MID1: variants seen among roughly 807,000 people sequenced by gnomAD.
MID1 encodes E3 ubiquitin-protein ligase Midline-1.
In MID1, 7 loss-of-function variants were observed where a neutral mutation model predicts 40.4. The observed-to-expected ratio is 0.17, with a 90% CI of 0.10 to 0.33. MID1 has a LOEUF of 0.33. MID1 is among the 10% of genes least tolerant of loss of function. The pLI, the probability that MID1 is intolerant of heterozygous loss-of-function variation, is 1.00. For missense variants in MID1, 367 were observed against 558.5 expected, an observed-to-expected ratio of 0.66 and a Z score of 3.46; for synonymous variants, 229 against 221.2, an observed-to-expected ratio of 1.04 and a Z score of -0.31.
chrX:10,467,399 C>A (rs1929444606), intron 7 of MID1, among the ~76,000 whole-genome samples: 1 of 111,964 alleles, frequency 8.9e-6, no homozygotes, highest in Non-Finnish European at 1.9e-5. Context: ...AGGCCTTCTG[C>A]GACTTGCCCC....
chrX:10,558,613 C>T (rs1934216077), intron 2 of MID1, among the ~76,000 whole-genome samples: 1 of 112,943 alleles, frequency 8.9e-6, no homozygotes, highest in African/African-American at 3.2e-5. Flanking sequence ...AGTCTACATC[C>T]AATGTCCATA....
intron 1 of MID1, among the ~76,000 whole-genome samples, chrX:10,825,514 A>T (rs765526218): frequency 8.9e-6 from 1 of 112,339 alleles, no homozygotes; most frequent in African/African-American, 3.2e-5. Context: ...GGGAACGTGA[A>T]GTTAATGGAG....
intron 1 of MID1, among the ~76,000 whole-genome samples, chrX:10,744,018 G>C (rs899585071): frequency 8.1e-5 from 9 of 111,485 alleles, no homozygotes; most frequent in Non-Finnish European, 1.7e-4. Flanking sequence ...CCCTAGGTTA[G>C]AGAAGGAAGA....
intron 2 of MID1, among the ~76,000 whole-genome samples, chrX:10,558,528 C>T (rs1421704051): frequency 8.8e-6 from 1 of 113,101 alleles, no homozygotes; most frequent in Non-Finnish European, 1.9e-5. Flanking sequence ...CTACAAAACA[C>T]ATTAAAGCAA....
At chrX:10,614,909 A>C (rs1180892004) in intron 1 of MID1, among the ~76,000 whole-genome samples, 2 of 112,342 alleles carry the variant, frequency 1.8e-5, no homozygotes, top group Non-Finnish European at 3.8e-5. Flanking sequence ...TTTTCGCTGG[A>C]AAATGCTCTG....
intron 2 of MID1, among the ~76,000 whole-genome samples, chrX:10,556,205 C>A (rs1420016131): frequency 9.0e-6 from 1 of 111,538 alleles, no homozygotes. Flanking sequence ...ATAAATGTGA[C>A]AGCCATAGTA....
At chrX:10,643,207 T>C (rs781667696) in intron 1 of MID1, among the ~76,000 whole-genome samples, 1,307 of 110,906 alleles carry the variant, frequency 0.012, 9 homozygotes, top group Non-Finnish European at 0.019. Flanking sequence ...CAAAAGAAAC[T>C]ACCATCAGAG....
At chrX:10,669,587 C>T (rs2042975449) in intron 1 of MID1, among the ~76,000 whole-genome samples, 1 of 111,946 alleles carries the variant, frequency 8.9e-6, no homozygotes, top group South Asian at 3.7e-4. Context: ...GCTGTGAGAA[C>T]ATTTAGAAGG....
At chrX:10,581,198 G>A (rs973657626) in intron 1 of MID1, among the ~76,000 whole-genome samples, 3 of 111,375 alleles carry the variant, frequency 2.7e-5, no homozygotes, top group African/African-American at 9.8e-5. Context: ...GCAGTGAACC[G>A]AGATTGCGCC....
chrX:10,527,256 G>C (rs59217057), intron 2 of MID1, among the ~76,000 whole-genome samples: 4,870 of 111,022 alleles, frequency 0.044, 269 homozygotes, highest in African/African-American at 0.15. Context: ...CTTACTCAAG[G>C]CAAGTTTTGT....
At chrX:10,754,316 G>GTTTT (rs1210089624) in intron 1 of MID1, among the ~76,000 whole-genome samples, 2 of 105,414 alleles carry the variant, frequency 1.9e-5, no homozygotes, top group African/African-American at 7.8e-5. Context: ...TTTGTTTTTT[G>GTTTT]TTTTTTGTTT....
chrX:10,670,682 A>G (rs1373794471), intron 1 of MID1, among the ~76,000 whole-genome samples: 1 of 112,367 alleles, frequency 8.9e-6, no homozygotes, highest in Non-Finnish European at 1.9e-5. Context: ...CATTCTTTAA[A>G]CACACACATA....
chrX:10,490,886 T>C (rs1930908665), intron 4 of MID1, among the ~76,000 whole-genome samples: 1 of 112,250 alleles, frequency 8.9e-6, no homozygotes, highest in Non-Finnish European at 1.9e-5. Flanking sequence ...ATTTTTGGTT[T>C]ATTCAGGTTT....
chrX:10,590,449 A>G (rs1036264722), intron 1 of MID1, among the ~76,000 whole-genome samples: 3 of 111,398 alleles, frequency 2.7e-5, no homozygotes. Context: ...TGAAGCAAAT[A>G]AGGTTTGTGG....
chrX:10,482,667 G>T, intron 4 of MID1, 39 bp from the exon 5 acceptor site: 1 of 1,189,183 alleles, frequency 8.4e-7, no homozygotes. Context: ...GGTTACATGG[G>T]TGGTCTTGCT....
chrX:10,591,948 A>G (rs35201314), intron 1 of MID1, among the ~76,000 whole-genome samples: 1 of 111,066 alleles, frequency 9.0e-6, no homozygotes, highest in Non-Finnish European at 1.9e-5. Flanking sequence ...AAACAAAACA[A>G]AACACCAGAC....
chrX:10,784,714 G>A (rs1355162690), intron 1 of MID1, among the ~76,000 whole-genome samples: 4 of 110,580 alleles, frequency 3.6e-5, no homozygotes, highest in African/African-American at 1.3e-4. Flanking sequence ...CCAAATTGCT[G>A]GGATTACAGG....
At chrX:10,686,502 T>C (rs968868521) in intron 1 of MID1, among the ~76,000 whole-genome samples, 1 of 111,877 alleles carries the variant, frequency 8.9e-6, no homozygotes, top group African/African-American at 3.3e-5. Context: ...TCAAATAAAA[T>C]TGTATGCCTT....
In MID1 at chrX:10,482,571, G is replaced by A. The variant is rs149787593; in HGVS notation, c.922C>T (p.Arg308Trp). 1.3e-5 allele frequency: 16 copies of A among 1,207,699 alleles called. No individual in the cohort carries two copies. The African/African-American group carries it at 2.6e-4, about 20-fold the overall frequency. ...QIANCKQCIE[R>W]SASLISQAEH... ...GCTTGGGAGATGAGTGATGCTGACCGCTCAATGCACTGTTTGCAGTTTGCA... is the reference window on the plus strand; with the variant it reads ...GCTTGGGAGATGAGTGATGCTGACCACTCAATGCACTGTTTGCAGTTTGCA... The change falls in exon 5 of 10, where the codon CGG becomes TGG. Residue 308 changes from arginine to tryptophan, a missense_variant. Arg to Trp is a moderately radical substitution (Grantham distance 101). Transcript: ENST00000317552.
Sources: gnomAD v4.1 joint callset for allele counts (sites outside exome capture counted in the v4.1 genomes callset) on GRCh38, gnomAD v4.1.1 for gene constraint, MANE v1.5 for transcripts, NCBI Gene and HGNC (gene_info 2026-07-23, HGNC 2026-07-21) for gene names.